CNTNAP2: variants seen among roughly 807,000 people sequenced by gnomAD.
CNTNAP2 encodes the protein contactin-associated protein-like 2.
A neutral mutation model predicts 155.2 loss-of-function variants in CNTNAP2; 98 were observed. The observed-to-expected ratio is 0.63, with a 90% CI of 0.54 to 0.75. CNTNAP2 has a LOEUF of 0.75. Among genes scored for constraint, CNTNAP2 ranks in the 30% least tolerant of loss-of-function variants. CNTNAP2 has a pLI of 0.00. For missense variants in CNTNAP2, 1,727 were observed against 1,688.1 expected, an observed-to-expected ratio of 1.02 and a Z score of -0.40; for synonymous variants, 651 against 631.2, an observed-to-expected ratio of 1.03 and a Z score of -0.47.
chr7:146,485,986 G>T (rs1797049663), intron 1 of CNTNAP2, among the ~76,000 whole-genome samples: 1 of 116,906 alleles, frequency 8.6e-6, no homozygotes, highest in Admixed American at 9.7e-5. Flanking sequence ...GTTTTTCTTT[G>T]TATCAGTTAG....
intron 12 of CNTNAP2, among the ~76,000 whole-genome samples, chr7:147,627,433 C>T (rs1795002289): frequency 6.6e-6 from 1 of 152,056 alleles, no homozygotes; most frequent in Admixed American, 6.6e-5. Context: ...CATGGTGGCT[C>T]ACGCCTGAAA....
intron 13 of CNTNAP2, among the ~76,000 whole-genome samples, chr7:147,799,428 G>A (rs1797952756): frequency 6.6e-6 from 1 of 152,066 alleles, no homozygotes; most frequent in African/African-American, 2.4e-5. Context: ...TTGGGAAGAA[G>A]ACGTGGTCCC....
At chr7:148,366,590 G>T (rs562727722) in intron 21 of CNTNAP2, among the ~76,000 whole-genome samples, 1 of 152,138 alleles carries the variant, frequency 6.6e-6, no homozygotes, top group Non-Finnish European at 1.5e-5. Flanking sequence ...GAACTTATAC[G>T]AATGGCAGAT....
chr7:146,714,692 A>T (rs558262366), intron 1 of CNTNAP2, among the ~76,000 whole-genome samples: 59 of 152,332 alleles, frequency 3.9e-4, no homozygotes, highest in African/African-American at 1.4e-3. Flanking sequence ...ATATGGACAT[A>T]AGAATTAAAT....
chr7:147,678,399 A>G (rs1795899859), intron 13 of CNTNAP2, among the ~76,000 whole-genome samples: 1 of 151,774 alleles, frequency 6.6e-6, no homozygotes, highest in Non-Finnish European at 1.5e-5. Context: ...TCTCTTTGTT[A>G]TTGATTTCTT....
At chr7:147,424,062 T>G (rs75883919) in intron 10 of CNTNAP2, among the ~76,000 whole-genome samples, 2 of 152,280 alleles carry the variant, frequency 1.3e-5, no homozygotes, top group African/African-American at 4.8e-5. Flanking sequence ...CTGATTGGTC[T>G]CACTTTAAAT....
intron 3 of CNTNAP2, among the ~76,000 whole-genome samples, chr7:147,034,915 G>C (rs1232775531): frequency 6.6e-6 from 1 of 152,176 alleles, no homozygotes; most frequent in East Asian, 1.9e-4. Flanking sequence ...CTTAGAAAAT[G>C]CAACATTTGA....
intron 15 of CNTNAP2, among the ~76,000 whole-genome samples, chr7:148,070,504 G>C (rs766774544): frequency 1.3e-5 from 2 of 152,212 alleles, no homozygotes; most frequent in Admixed American, 6.5e-5. Context: ...ATCACCTGAG[G>C]TCAGGAGTTT....
intron 10 of CNTNAP2, among the ~76,000 whole-genome samples, chr7:147,456,065 T>C (rs1797913827): frequency 6.6e-6 from 1 of 152,164 alleles, no homozygotes. Context: ...TGTATGTATG[T>C]ATATGACTAT....
rs540697926 is a variant in CNTNAP2, at chr7:147,733,135, A to C, written c.2098+93829A>C. ...GCCTATGTCCTGAATGGTATTGCCT[A>C]GGTTTTCTTCTAAGGCTTTTATGGT... is the stretch of plus-strand genomic sequence containing the variant. On this transcript the variant is annotated intron_variant, in intron 13 of 23. Transcript: ENST00000361727. 5.3e-5 allele frequency among the ~76,000 whole-genome samples: 8 copies of C among 152,338 alleles called. No individual in the cohort carries two copies. In the South Asian group the frequency reaches 1.7e-3, roughly 32 times the overall value.
In CNTNAP2 at chr7:146,310,019, CTG is replaced by C. The variant is rs1800792400; in HGVS notation, c.97+193049_97+193050del. Among the ~76,000 whole-genome samples, 4 of 152,258 alleles carry C rather than the reference CTG, an allele frequency of 2.6e-5. No individual in the cohort carries two copies. The South Asian group carries it at 8.3e-4, about 32-fold the overall frequency. On this transcript the variant is annotated intron_variant, in intron 1 of 23. Transcript: ENST00000361727. ...GTGCAAATATGTTATTGTGTAATGA[CTG>C]TGCAAATTGCTTTTCTGTATGTTTG...
intron 22 of CNTNAP2, among the ~76,000 whole-genome samples, chr7:148,386,726 C>T (rs1799217959): frequency 6.6e-6 from 1 of 152,134 alleles, no homozygotes; most frequent in African/African-American, 2.4e-5. Context: ...CCTCTGTCCT[C>T]TTAAGTTCAG....
intron 1 of CNTNAP2, among the ~76,000 whole-genome samples, chr7:146,167,715 T>C (rs1451041039): frequency 1.3e-5 from 2 of 152,190 alleles, no homozygotes; most frequent in East Asian, 3.9e-4. Flanking sequence ...TTTGAGTTGA[T>C]CATTGCATTA....
At chr7:146,263,145 T>C (rs1168042346) in intron 1 of CNTNAP2, among the ~76,000 whole-genome samples, 1 of 152,070 alleles carries the variant, frequency 6.6e-6, no homozygotes, top group Non-Finnish European at 1.5e-5. Context: ...GGTGAAACCC[T>C]GTCTCTACCA....
chr7:147,392,846 A>G (rs1584920903), intron 9 of CNTNAP2, among the ~76,000 whole-genome samples: 1 of 152,086 alleles, frequency 6.6e-6, no homozygotes, highest in African/African-American at 2.4e-5. Context: ...ATGGAATACT[A>G]CTCAGCCATA....
chr7:146,484,568 A>G (rs938700680), intron 1 of CNTNAP2, among the ~76,000 whole-genome samples: 1 of 152,028 alleles, frequency 6.6e-6, no homozygotes, highest in African/African-American at 2.4e-5. Context: ...TTTCATAAGG[A>G]TGAAAATAGG....
intron 1 of CNTNAP2, among the ~76,000 whole-genome samples, chr7:146,454,839 TAC>T (rs1796532565): frequency 6.6e-6 from 1 of 152,070 alleles, no homozygotes; most frequent in Non-Finnish European, 1.5e-5. Context: ...ATATAATAAA[TAC>T]ATATATATGT....
chr7:147,464,969 A>G (rs1798092376), intron 10 of CNTNAP2, among the ~76,000 whole-genome samples: 1 of 152,228 alleles, frequency 6.6e-6, no homozygotes, highest in South Asian at 2.1e-4. Context: ...ATGAAAAACT[A>G]TGCAGCCATA....
At chr7:148,355,302 CT>C (rs1798495134) in intron 21 of CNTNAP2, among the ~76,000 whole-genome samples, 1 of 150,786 alleles carries the variant, frequency 6.6e-6, no homozygotes, top group African/African-American at 2.4e-5. Flanking sequence ...CTGCCTCAGC[CT>C]CCGGAGTAAG....
Sources: allele counts gnomAD v4.1 joint callset (sites outside exome capture counted in the v4.1 genomes callset), GRCh38; gene constraint gnomAD v4.1.1; transcripts MANE v1.5; gene names NCBI Gene and HGNC (gene_info 2026-07-23, HGNC 2026-07-21).